CA10: variants seen among roughly 807,000 people sequenced by gnomAD.
CA10 encodes the protein carbonic anhydrase-related protein 10.
Under a neutral mutation model 44.2 loss-of-function variants are expected in CA10, and 14 were observed. That is an observed-to-expected ratio of 0.32 (90% CI 0.21 to 0.50). CA10 has a LOEUF of 0.50. Among genes scored for constraint, CA10 ranks in the 20% least tolerant of loss-of-function variants. CA10 has a pLI of 0.99. For synonymous variants in CA10, 159 were observed against 141.6 expected, an observed-to-expected ratio of 1.12 and a Z score of -0.87; for missense variants, 350 against 409.7, an observed-to-expected ratio of 0.85 and a Z score of 1.26.
At chr17:51,843,759 G>C (rs979918789) in intron 3 of CA10, among the ~76,000 whole-genome samples, 5 of 152,148 alleles carry the variant, frequency 3.3e-5, no homozygotes, top group Non-Finnish European at 5.9e-5. Flanking sequence ...ATCTTTAGGA[G>C]GATAGAAGCG....
At position 51,747,823 on chromosome 17, in the gene CA10, A is replaced by G; in HGVS notation, c.280-5T>C. The G allele has an allele frequency of 6.2e-7, 1 of 1,605,168 alleles. No individual in the cohort carries two copies. The highest frequency in any genetic ancestry group is 8.5e-7 in the Non-Finnish European group (1 of 1,175,452). On this transcript the variant is annotated splice_region_variant and splice_polypyrimidine_tract_variant and intron_variant, in intron 3 of 8. Transcript: ENST00000451037. The stretch of plus-strand genomic sequence containing the variant: ...GTTGTACATGGTCCCACTGACCTGC[A>G]AGGCAATTAGCAACAGGTCAAGCAA...
intron 6 of CA10, among the ~76,000 whole-genome samples, chr17:51,643,117 A>G (rs982625763): frequency 6.6e-5 from 10 of 152,200 alleles, no homozygotes; most frequent in African/African-American, 2.4e-4. Flanking sequence ...TACCCACTTA[A>G]GAAGCCTCTT....
intron 2 of CA10, among the ~76,000 whole-genome samples, chr17:52,053,837 T>C (rs553339261): frequency 3.9e-5 from 6 of 152,234 alleles, no homozygotes; most frequent in African/African-American, 1.4e-4. Context: ...CTGCAATCTC[T>C]GAACATAAAT....
chr17:52,150,400 T>G (rs892820468), intron 1 of CA10, among the ~76,000 whole-genome samples: 5 of 152,198 alleles, frequency 3.3e-5, no homozygotes, highest in Admixed American at 3.3e-4. Context: ...AAAATCAGTC[T>G]TTTACTAGAT....
chr17:51,776,851 T>C (rs916569715), intron 3 of CA10, among the ~76,000 whole-genome samples: 9 of 152,178 alleles, frequency 5.9e-5, no homozygotes, highest in Admixed American at 5.2e-4. Flanking sequence ...ATCTCATCTG[T>C]GTAGCGGGGC....
intron 3 of CA10, among the ~76,000 whole-genome samples, chr17:51,916,342 G>T (rs2143962655): frequency 6.6e-6 from 1 of 152,318 alleles, no homozygotes. Context: ...CTTGGAGGAG[G>T]CAAGCAAAGA....
At chr17:51,935,557 C>T (rs1415768699) in intron 2 of CA10, among the ~76,000 whole-genome samples, 1 of 152,168 alleles carries the variant, frequency 6.6e-6, no homozygotes. Context: ...CAGCCTAAAC[C>T]ATGGAACTTA....
chr17:51,861,424 G>A (rs750558787), intron 3 of CA10, among the ~76,000 whole-genome samples: 7 of 152,056 alleles, frequency 4.6e-5, no homozygotes, highest in African/African-American at 7.2e-5. Context: ...CATACAGCAA[G>A]TATAGGATTA....
At chr17:52,052,353 C>T (rs1369554993) in intron 2 of CA10, among the ~76,000 whole-genome samples, 1 of 148,524 alleles carries the variant, frequency 6.7e-6, no homozygotes, top group Non-Finnish European at 1.5e-5. Context: ...TAGCCATTGA[C>T]TTTTGCCTCT....
At chr17:52,138,646 T>C (rs2143374886) in intron 1 of CA10, among the ~76,000 whole-genome samples, 1 of 152,314 alleles carries the variant, frequency 6.6e-6, no homozygotes, top group Admixed American at 6.5e-5. Flanking sequence ...AGCAGCAGTG[T>C]CCAGCTTTCT....
chr17:52,130,241 A>G (rs1280382601), intron 1 of CA10, among the ~76,000 whole-genome samples: 1 of 152,180 alleles, frequency 6.6e-6, no homozygotes, highest in Non-Finnish European at 1.5e-5. Flanking sequence ...GAAAAAAAGT[A>G]TGGTGGTTCC....
intron 4 of CA10, among the ~76,000 whole-genome samples, chr17:51,669,108 A>C (rs1914316014): frequency 6.6e-6 from 1 of 152,188 alleles, no homozygotes. Flanking sequence ...GGTCCCATCA[A>C]CTGCCCAAGG....
intron 1 of CA10, among the ~76,000 whole-genome samples, chr17:52,117,209 T>C (rs1335120715): frequency 6.6e-6 from 1 of 152,210 alleles, no homozygotes; most frequent in Admixed American, 6.5e-5. Flanking sequence ...ATGCATGCAT[T>C]AGAGCCCCTA....
intron 4 of CA10, among the ~76,000 whole-genome samples, chr17:51,744,853 C>T (rs1460134072): frequency 1.3e-5 from 2 of 152,168 alleles, no homozygotes; most frequent in African/African-American, 2.4e-5. Context: ...AACTGCTTAT[C>T]GCACTACTTT....
At chr17:52,074,064 C>T (rs949785128) in intron 1 of CA10, among the ~76,000 whole-genome samples, 1 of 152,268 alleles carries the variant, frequency 6.6e-6, no homozygotes, top group Middle Eastern at 3.4e-3. Flanking sequence ...GCCTGACTCA[C>T]CCTCCTTCTC....
At chr17:52,084,212 G>C (rs186737455) in intron 1 of CA10, among the ~76,000 whole-genome samples, 55 of 152,288 alleles carry the variant, frequency 3.6e-4, no homozygotes, top group Non-Finnish European at 7.4e-4. Context: ...CCCAATGCCC[G>C]GTAGAAAAGT....
chr17:51,747,230 T>C (rs761935244), intron 4 of CA10, among the ~76,000 whole-genome samples: 1 of 152,258 alleles, frequency 6.6e-6, no homozygotes, highest in Non-Finnish European at 1.5e-5. Context: ...TATGACTCAT[T>C]ATATTCAAAA....
chr17:52,123,371 G>GGGGGGTGT (rs1555568608), intron 1 of CA10, among the ~76,000 whole-genome samples: 1 of 146,244 alleles, frequency 6.8e-6, no homozygotes. Flanking sequence ...ATATATATGG[G>GGGGGGTGT]GTGTGTGTGT....
intron 3 of CA10, among the ~76,000 whole-genome samples, chr17:51,836,619 C>T (rs1908486936): frequency 6.6e-6 from 1 of 152,210 alleles, no homozygotes; most frequent in South Asian, 2.1e-4. Context: ...AAGAAAAAGA[C>T]ATGGGTTCAT....
Sources: allele counts gnomAD v4.1 joint callset (sites outside exome capture counted in the v4.1 genomes callset), GRCh38; gene constraint gnomAD v4.1.1; transcripts MANE v1.5; gene names NCBI Gene and HGNC (gene_info 2026-07-23, HGNC 2026-07-21).